Variants in CELF2 observed in about 807,000 individuals in gnomAD.
The protein encoded by CELF2 is CUG triplet repeat RNA-binding protein 2.
A neutral mutation model predicts 62.6 loss-of-function variants in CELF2; 8 were observed. That is an observed-to-expected ratio of 0.13 (90% CI 0.07 to 0.23). The LOEUF is 0.23. Among genes scored for constraint, CELF2 ranks in the 10% least tolerant of loss-of-function variants. The probability of loss-of-function intolerance (pLI) is 1.00; values close to 1 mark genes in which losing one functional copy is unlikely to be tolerated. For synonymous variants in CELF2, 258 were observed against 250.0 expected (o/e 1.03, Z -0.30); for missense variants, 333 against 671.0 (o/e 0.50, Z 5.56).
intron 1 of CELF2, among the ~76,000 whole-genome samples, chr10:10,858,913 C>T (rs116971194): frequency 0.032 from 4,902 of 152,200 alleles, 92 homozygotes; most frequent in Non-Finnish European, 0.045. Context: ...GCACTATGTA[C>T]GCAGGTATAA....
chr10:10,696,214 T>G, the CELF2 span, among the ~76,000 whole-genome samples: 245 of 151,186 alleles, frequency 1.6e-3, 2 homozygotes, highest in African/African-American at 2.8e-3. Flanking sequence ...TTAGTTTTCC[T>G]TCTAACAGAC....
At chr10:11,072,528 C>A (rs557130922) in intron 1 of CELF2, among the ~76,000 whole-genome samples, 1 of 152,334 alleles carries the variant, frequency 6.6e-6, no homozygotes, top group South Asian at 2.1e-4. Context: ...GGTAGCCACA[C>A]CCCGTTCTTT....
intron 2 of CELF2, among the ~76,000 whole-genome samples, chr10:11,181,854 A>G (rs914863068): frequency 2.6e-5 from 4 of 152,212 alleles, no homozygotes; most frequent in Admixed American, 6.5e-5. Flanking sequence ...ATAAAGGGAC[A>G]TTATTTTCCC....
At chr10:10,738,033 C>G in the CELF2 span, among the ~76,000 whole-genome samples, 6 of 152,184 alleles carry the variant, frequency 3.9e-5, no homozygotes, top group Admixed American at 2.6e-4. Flanking sequence ...ATAGAAAGCT[C>G]TCACCCAGGT....
At chr10:11,176,043 G>A (rs1202322809) in intron 2 of CELF2, among the ~76,000 whole-genome samples, 1 of 152,206 alleles carries the variant, frequency 6.6e-6, no homozygotes, top group Non-Finnish European at 1.5e-5. Flanking sequence ...AGCAGAGAAT[G>A]CGCTAGAGAG....
chr10:11,271,446 C>A (rs2083735757), intron 7 of CELF2, among the ~76,000 whole-genome samples: 1 of 152,222 alleles, frequency 6.6e-6, no homozygotes, highest in South Asian at 2.1e-4. Flanking sequence ...GTCCCCCGAG[C>A]GAGATCTGAA....
intron 1 of CELF2, among the ~76,000 whole-genome samples, chr10:10,835,542 C>G (rs1197006715): frequency 1.3e-5 from 2 of 152,100 alleles, no homozygotes; most frequent in Non-Finnish European, 2.9e-5. Flanking sequence ...GAAACCACAC[C>G]CAGCTAATTT....
At chr10:10,613,335 A>G in the CELF2 span, among the ~76,000 whole-genome samples, 1 of 152,214 alleles carries the variant, frequency 6.6e-6, no homozygotes. Context: ...ATTTACATAT[A>G]ATATCCATGC....
intron 1 of CELF2, among the ~76,000 whole-genome samples, chr10:11,131,429 C>T (rs574842995): frequency 1.7e-3 from 265 of 152,300 alleles, no homozygotes; most frequent in African/African-American, 6.1e-3. Context: ...TGAATAGAGT[C>T]ATGTTAACTG....
At chr10:10,559,277 C>CGA in the CELF2 span, among the ~76,000 whole-genome samples, 1 of 152,164 alleles carries the variant, frequency 6.6e-6, no homozygotes, top group Non-Finnish European at 1.5e-5. Context: ...TCTCCAGAAT[C>CGA]ATAAAGTGTT....
intron 1 of CELF2, among the ~76,000 whole-genome samples, chr10:11,126,307 T>C (rs2058690856): frequency 4.6e-5 from 7 of 152,204 alleles, no homozygotes; most frequent in Admixed American, 4.6e-4. Context: ...TTCTCTCACA[T>C]GTCTACTCAC....
chr10:10,782,905 C>T, the CELF2 span, among the ~76,000 whole-genome samples: 3 of 152,106 alleles, frequency 2.0e-5, no homozygotes, highest in South Asian at 2.1e-4. Flanking sequence ...AAAGTTCAGC[C>T]GTAGACCCTC....
chr10:10,514,487 A>T, the CELF2 span, among the ~76,000 whole-genome samples: 1 of 152,326 alleles, frequency 6.6e-6, no homozygotes, highest in Admixed American at 6.5e-5. Context: ...AAGGATGTTA[A>T]CACAAGAAAC....
At chr10:10,736,266 C>T in the CELF2 span, among the ~76,000 whole-genome samples, 13 of 152,066 alleles carry the variant, frequency 8.5e-5, no homozygotes, top group Non-Finnish European at 1.5e-4. Flanking sequence ...GAAGGTGCTA[C>T]GAATGTGGTC....
intron 1 of CELF2, among the ~76,000 whole-genome samples, chr10:11,163,993 G>C (rs887367495): frequency 6.6e-6 from 1 of 152,228 alleles, no homozygotes; most frequent in Non-Finnish European, 1.5e-5. Flanking sequence ...CTTCTTGGTA[G>C]TACCAGGAAG....
At chr10:11,041,398 C>G (rs780628747) in intron 1 of CELF2, among the ~76,000 whole-genome samples, 2 of 152,120 alleles carry the variant, frequency 1.3e-5, no homozygotes, top group African/African-American at 4.8e-5. Context: ...AGTACAGTAT[C>G]GAAACCCACT....
At chr10:11,239,896 T>G (rs2073137998) in intron 3 of CELF2, among the ~76,000 whole-genome samples, 1 of 152,016 alleles carries the variant, frequency 6.6e-6, no homozygotes, top group African/African-American at 2.4e-5. Flanking sequence ...TCTACAAAAA[T>G]ACAAAAAATT....
At chr10:11,160,717 T>A (rs1189550503) in intron 1 of CELF2, among the ~76,000 whole-genome samples, 1 of 152,164 alleles carries the variant, frequency 6.6e-6, no homozygotes, top group Non-Finnish European at 1.5e-5. Flanking sequence ...TTTCTATCTT[T>A]ACGCACAATT....
chr10:10,627,694 C>T, the CELF2 span, among the ~76,000 whole-genome samples: 3 of 152,152 alleles, frequency 2.0e-5, no homozygotes, highest in African/African-American at 7.2e-5. Flanking sequence ...TAAGACACCA[C>T]CTTGAACCCA....
Sources: gnomAD v4.1 joint callset for allele counts (sites outside exome capture counted in the v4.1 genomes callset) on GRCh38, gnomAD v4.1.1 for gene constraint, MANE v1.5 for transcripts, NCBI Gene and HGNC (gene_info 2026-07-23, HGNC 2026-07-21) for gene names.